Variants in GTF2F2 observed in about 807,000 individuals in gnomAD.
The protein encoded by GTF2F2 is ATP-dependent helicase GTF2F2.
A neutral mutation model predicts 42.2 loss-of-function variants in GTF2F2; 23 were observed. The ratio of observed to expected loss-of-function variants is 0.55; its 90% CI spans 0.39 to 0.77. The LOEUF is 0.77. Ranked by LOEUF, GTF2F2 falls within the 30% of genes least tolerant of loss-of-function variation. The pLI is 0.00. For synonymous variants in GTF2F2, 105 were observed against 100.8 expected (o/e 1.04, Z -0.25); for missense variants, 261 against 287.2 (o/e 0.91, Z 0.66).
intron 5 of GTF2F2, among the ~76,000 whole-genome samples, chr13:45,249,479 G>A (rs972342197): frequency 1.3e-5 from 2 of 152,162 alleles, no homozygotes; most frequent in South Asian, 4.1e-4. Flanking sequence ...TTTTAGAATT[G>A]TAGAATTAAA....
At chr13:45,214,820 A>G (rs1873824921) in intron 5 of GTF2F2, among the ~76,000 whole-genome samples, 1 of 152,104 alleles carries the variant, frequency 6.6e-6, no homozygotes, top group Non-Finnish European at 1.5e-5. Context: ...ATAAAGGAAC[A>G]TAAATATAAG....
intron 7 of GTF2F2, among the ~76,000 whole-genome samples, chr13:45,281,394 A>C (rs1174397117): frequency 1.3e-5 from 2 of 152,214 alleles, no homozygotes; most frequent in African/African-American, 4.8e-5. Context: ...TGAACTCTAG[A>C]GCATTATATC....
intron 4 of GTF2F2, among the ~76,000 whole-genome samples, chr13:45,191,242 TATATATATATATA>T (rs1872635380): frequency 5.9e-5 from 8 of 134,772 alleles, no homozygotes; most frequent in Admixed American, 7.3e-5. Context: ...TATATATATA[TATATATATATATA>T]GCCATAATCT....
chr13:45,270,608 C>A (rs1566157593), intron 7 of GTF2F2, among the ~76,000 whole-genome samples: 1 of 152,138 alleles, frequency 6.6e-6, no homozygotes, highest in Admixed American at 6.5e-5. Context: ...CCAATTCTTA[C>A]TACTGCCACA....
At chr13:45,142,804 G>A (rs1207319689) in intron 2 of GTF2F2, among the ~76,000 whole-genome samples, 1 of 152,162 alleles carries the variant, frequency 6.6e-6, no homozygotes, top group African/African-American at 2.4e-5. Flanking sequence ...TAAATTCACT[G>A]TTAAACAAGT....
chr13:45,149,673 T>G, intron 2 of GTF2F2, 97 bp from the exon 3 acceptor site: 1 of 1,192,614 alleles, frequency 8.4e-7, no homozygotes, highest in South Asian at 1.6e-5. Flanking sequence ...ATGTAATATT[T>G]TATGTAAATA....
intron 5 of GTF2F2, among the ~76,000 whole-genome samples, chr13:45,252,247 A>G (rs979026240): frequency 2.6e-5 from 4 of 152,076 alleles, no homozygotes; most frequent in African/African-American, 9.7e-5. Context: ...GGCTCAAGTG[A>G]TCCTACCACC....
chr13:45,149,844 T>A, intron 3 of GTF2F2, 56 bp downstream of exon 3: 1 of 1,431,486 alleles, frequency 7.0e-7, no homozygotes, highest in Non-Finnish European at 9.3e-7. Flanking sequence ...TTTTCATTAA[T>A]AATAGTGAAA....
intron 7 of GTF2F2, among the ~76,000 whole-genome samples, chr13:45,280,631 A>G (rs1877222444): frequency 6.6e-6 from 1 of 152,228 alleles, no homozygotes; most frequent in African/African-American, 2.4e-5. Flanking sequence ...AGGAAAAAAG[A>G]ATGACACCTT....
At chr13:45,242,054 A>T (rs1052943073) in intron 5 of GTF2F2, among the ~76,000 whole-genome samples, 1 of 152,154 alleles carries the variant, frequency 6.6e-6, no homozygotes, top group African/African-American at 2.4e-5. Context: ...TAATAGATTG[A>T]CGTATACTTA....
intron 5 of GTF2F2, among the ~76,000 whole-genome samples, chr13:45,244,939 A>C (rs993439953): frequency 1.3e-5 from 2 of 152,220 alleles, no homozygotes; most frequent in African/African-American, 4.8e-5. Context: ...CTGGGATTAC[A>C]GGCATGAGCC....
chr13:45,251,878 A>G (rs1875892781), intron 5 of GTF2F2, among the ~76,000 whole-genome samples: 1 of 152,204 alleles, frequency 6.6e-6, no homozygotes, highest in African/African-American at 2.4e-5. Flanking sequence ...GATGAGTTTA[A>G]AAGGTACAGT....
intron 4 of GTF2F2, among the ~76,000 whole-genome samples, chr13:45,158,136 T>A (rs1870856909): frequency 6.6e-6 from 1 of 152,220 alleles, no homozygotes; most frequent in Admixed American, 6.5e-5. Context: ...AATCTCATCT[T>A]GAATTTTAGC....
intron 5 of GTF2F2, among the ~76,000 whole-genome samples, chr13:45,242,717 C>T (rs771016390): frequency 6.6e-6 from 1 of 152,156 alleles, no homozygotes; most frequent in African/African-American, 2.4e-5. Context: ...TAATATAGGA[C>T]TCAGCCTTTT....
chr13:45,265,984 C>G (rs1043832038), intron 6 of GTF2F2, among the ~76,000 whole-genome samples: 6 of 152,148 alleles, frequency 3.9e-5, no homozygotes, highest in Admixed American at 6.6e-5. Flanking sequence ...TAAAAAGAAA[C>G]AAACAAATAT....
intron 7 of GTF2F2, among the ~76,000 whole-genome samples, chr13:45,281,066 T>G (rs1877240971): frequency 6.6e-6 from 1 of 152,256 alleles, no homozygotes; most frequent in South Asian, 2.1e-4. Context: ...AACAGTGTCC[T>G]GTTTTTTAAA....
At chr13:45,172,959 AT>A (rs1285714142) in intron 4 of GTF2F2, among the ~76,000 whole-genome samples, 6 of 152,010 alleles carry the variant, frequency 3.9e-5, no homozygotes, top group Non-Finnish European at 7.4e-5. Flanking sequence ...TTGCATATGA[AT>A]TTTAAGATCA....
chr13:45,268,541 A>G (rs1344310355), intron 7 of GTF2F2, among the ~76,000 whole-genome samples: 2 of 152,126 alleles, frequency 1.3e-5, no homozygotes, highest in Non-Finnish European at 2.9e-5. Context: ...AATTCATCCC[A>G]ATGACTTCAC....
intron 4 of GTF2F2, among the ~76,000 whole-genome samples, chr13:45,179,126 G>C (rs966677692): frequency 6.6e-6 from 1 of 152,134 alleles, no homozygotes; most frequent in African/African-American, 2.4e-5. Flanking sequence ...TGCATCTGTT[G>C]GTCACAGCAA....
Sources: allele counts gnomAD v4.1 joint callset (sites outside exome capture counted in the v4.1 genomes callset), GRCh38; gene constraint gnomAD v4.1.1; transcripts MANE v1.5; gene names NCBI Gene and HGNC (gene_info 2026-07-23, HGNC 2026-07-21).